The following TPR variants were observed in gnomAD, a reference collection of about 807,000 sequenced individuals.
The protein encoded by TPR is nucleoprotein TPR.
A neutral mutation model predicts 316.1 loss-of-function variants in TPR; 51 were observed. The ratio of observed to expected loss-of-function variants is 0.16; its 90% CI spans 0.13 to 0.20. The LOEUF (loss-of-function observed/expected upper bound fraction) is 0.20. Ranked by LOEUF, TPR falls within the 10% of genes least tolerant of loss-of-function variation. The pLI is 1.00. For synonymous variants in TPR, 981 were observed against 914.7 expected (o/e 1.07, Z -1.31); for missense variants, 2,272 against 2,754.8 (o/e 0.82, Z 3.92).
At chr1:186,364,457 C>T (rs1006144751) in intron 4 of TPR, among the ~76,000 whole-genome samples, 1 of 152,034 alleles carries the variant, frequency 6.6e-6, no homozygotes, top group Non-Finnish European at 1.5e-5. Flanking sequence ...TAAAAAAGTG[C>T]ATTTCTGCAA....
intron 17 of TPR, among the ~76,000 whole-genome samples, chr1:186,354,332 C>T (rs1241692984): frequency 6.6e-6 from 1 of 152,082 alleles, no homozygotes; most frequent in African/African-American, 2.4e-5. Context: ...AATGACAATG[C>T]AATATTGATA....
chr1:186,322,655 A>C (rs566848825), intron 43 of TPR, 69 bp from the exon 44 acceptor site: 34 of 1,471,950 alleles, frequency 2.3e-5, no homozygotes, highest in Non-Finnish European at 2.9e-5. Context: ...ACCAAATATC[A>C]ACAGATACAG....
chr1:186,346,209 A>T lies in TPR; in HGVS notation c.3022T>A (p.Leu1008Met). The T allele has an allele frequency of 6.2e-7, 1 of 1,613,264 alleles. No homozygotes were observed. Among genetic ancestry groups the T allele is most frequent in the Non-Finnish European group, 8.5e-7 (1 of 1,179,676 alleles). The change falls in exon 23 of 51, where the codon TTG (leucine) becomes ATG (methionine). Residue 1008 changes from leucine to methionine, a missense_variant. By Grantham distance (15) the Leu-to-Met change is conservative (BLOSUM62 2). This residue lies in a region of TPR where 757 missense variants were observed against 859.8 expected (regional missense o/e 0.88). Coordinates refer to ENST00000367478, the MANE Select transcript of TPR (RefSeq NM_003292.3). ...AEFQTQLEKK[L>M]MEVEKEKQEL... ...TGTTTTTCCTTCTCTACTTCCATCA[A>T]CTTCTTTTCCAACTGTGTCTGAAAT... is the stretch of plus-strand genomic sequence containing the variant.
At position 186,339,742 on chromosome 1, in the gene TPR, T is replaced by C. The variant is rs1383393049; in HGVS notation, c.4051A>G (p.Thr1351Ala). 1.2e-6 allele frequency: 2 copies of C among 1,604,202 alleles called. No individual in the cohort carries two copies. The highest frequency in any genetic ancestry group is 1.7e-6 in the Non-Finnish European group (2 of 1,175,766). The change falls in exon 30 of 51, where the codon ACA (threonine) becomes GCA (alanine). Residue 1351 changes from threonine to alanine, a missense_variant. Around this residue, in one of 10 missense-constraint regions of TPR, gnomAD observed 96 missense variants for 134.6 expected, o/e 0.71. Coordinates refer to ENST00000367478, the MANE Select transcript of TPR (RefSeq NM_003292.3). ...GAAAGGAGCTTCCGATATTCTTCTG[T>C]ATCTGGATCTTTCTGTTGACTTACT... is the stretch of plus-strand genomic sequence containing the variant. ...HLVSQQKDPD[T>A]EEYRKLLSEK...
Position 186,313,469 on chromosome 1 carries a change from A to T in TPR, c.*502T>A. 1 of 512,056 alleles carries T rather than the reference A, an allele frequency of 2.0e-6. No homozygotes were observed. Among genetic ancestry groups the T allele is most frequent in the Non-Finnish European group, 3.5e-6 (1 of 288,784 alleles). The allele number at this position is 512,056 out of a possible 1,614,324, so 31.7% of individuals were successfully genotyped here. ...GAGAGCTGAACCTGATTTTACAAAA[A>T]GATGGTGAAATGTCAATCTTTTGAA... On this transcript the variant is annotated 3_prime_UTR_variant, in exon 51 of 51. Transcript: ENST00000367478.
At position 186,341,056 on chromosome 1, in the gene TPR, T is replaced by A. The variant is rs1467447955; in HGVS notation, c.3992A>T (p.Asp1331Val). 2 of 1,613,904 alleles carry A rather than the reference T, an allele frequency of 1.2e-6. No individual in the cohort carries two copies. The highest frequency in any genetic ancestry group is 2.2e-5 in the East Asian group (1 of 44,878). The change falls in exon 29 of 51, where the codon GAT (aspartate) becomes GTT (valine). Residue 1331 changes from aspartate (D) to valine (V), a missense_variant. Physicochemically the swap from Asp to Val is radical, Grantham distance 152. Transcript: ENST00000367478. ...GTTACGTGCTTTCCAACGTTTGACA[T>A]CCTCTTCTAAGAGCTTCTTCTCTGC... ...LQAEKKLLEEDVKRWKARNQH... is the reference protein window; with the variant it reads ...LQAEKKLLEEVVKRWKARNQH...
At chr1:186,359,770 C>T in intron 12 of TPR, 29 bp downstream of exon 12, 7 of 1,560,250 alleles carry the variant, frequency 4.5e-6, no homozygotes, top group African/African-American at 1.4e-5. Flanking sequence ...GTATTGTTAC[C>T]ACGGCTAAAT....
intron 38 of TPR, 106 bp from the exon 39 acceptor site, chr1:186,331,687 T>G: frequency 1.6e-6 from 1 of 606,190 alleles, no homozygotes; most frequent in Non-Finnish European, 2.6e-6. Flanking sequence ...ATCTATATTT[T>G]ATGAAACTAT....
chr1:186,369,665 T>G (rs1383908131), intron 3 of TPR, among the ~76,000 whole-genome samples: 1 of 152,178 alleles, frequency 6.6e-6, no homozygotes, highest in South Asian at 2.1e-4. Context: ...TTTCTACATA[T>G]AGGATCATAT....
At chr1:186,347,059 T>C (rs1313776047) in intron 22 of TPR, among the ~76,000 whole-genome samples, 1 of 152,138 alleles carries the variant, frequency 6.6e-6, no homozygotes, top group Non-Finnish European at 1.5e-5. Flanking sequence ...TACCTCTCAG[T>C]CTCCTCAACA....
intron 18 of TPR, among the ~76,000 whole-genome samples, chr1:186,353,399 G>A (rs1195701443): frequency 6.6e-6 from 1 of 150,562 alleles, no homozygotes; most frequent in East Asian, 2.0e-4. Flanking sequence ...AAAAAAAAAC[G>A]TCTTTGTTAG....
At chr1:186,315,811 T>C (rs1486766436) in intron 49 of TPR, among the ~76,000 whole-genome samples, 1 of 150,062 alleles carries the variant, frequency 6.7e-6, no homozygotes, top group Non-Finnish European at 1.5e-5. Flanking sequence ...TTGTTGACCC[T>C]GAACACAAGC....
rs994410258 is a variant in TPR, at chr1:186,312,999, C to T, written c.*972G>A. ...AATGATGACTGAATGTGAGAAGTTA[C>T]ACTACGGTACTTATTCTAATTGCTG... On this transcript the variant is annotated 3_prime_UTR_variant, in exon 51 of 51. Transcript: ENST00000367478. 27 of 1,202,808 alleles carry T rather than the reference C, an allele frequency of 2.2e-5. No homozygotes were observed. Among genetic ancestry groups the T allele is most frequent in the South Asian group, 6.1e-5 (5 of 81,790 alleles). 74.5% of individuals were successfully genotyped at this position (1,202,808 alleles called of 1,614,324 possible). A position where few individuals can be genotyped will look rare whatever the true frequency, so the allele number is the denominator to read the frequency against.
intron 38 of TPR, 36 bp downstream of exon 38, chr1:186,332,147 TTAACTCTACTGG>T: frequency 6.4e-7 from 1 of 1,571,666 alleles, no homozygotes; most frequent in Non-Finnish European, 8.6e-7. Flanking sequence ...AAAGAGTACC[TTAACTCTACTGG>T]TAAAAGTTAA....
rs1360215758 is a variant in TPR at position 186,334,545 on chromosome 1, G to A, written c.4974-12C>T. ...CTGATGTGCTGGCACTTATAGAGGA[G>A]AAAATGGAAGAATAATTAATAACAA... On this transcript the variant is annotated splice_polypyrimidine_tract_variant and intron_variant, in intron 35 of 50. Coordinates refer to ENST00000367478, the MANE Select transcript of TPR (RefSeq NM_003292.3). 1.9e-6 allele frequency: 3 copies of A among 1,602,142 alleles called. No individual in the cohort carries two copies. Among genetic ancestry groups the A allele is most frequent in the African/African-American group, 2.7e-5 (2 of 74,490 alleles).
chr1:186,354,969 T>G (rs1342974529), intron 17 of TPR, among the ~76,000 whole-genome samples: 2 of 152,150 alleles, frequency 1.3e-5, no homozygotes, highest in Non-Finnish European at 2.9e-5. Context: ...GTGGCCCCAA[T>G]CTTGGCTCAC....
rs1657328159 is a variant in TPR, at chr1:186,312,363, C to T, written c.*1608G>A. On this transcript the variant is annotated 3_prime_UTR_variant, in exon 51 of 51. Coordinates refer to ENST00000367478, the MANE Select transcript of TPR (RefSeq NM_003292.3). ...ATATTCACCTGCCAGACTGGCTTAT[C>T]AAGACAAAGGTAACATTTTTATTGT... The T allele has an allele frequency of 2.5e-6, 4 of 1,607,440 alleles. No homozygotes were observed. Among genetic ancestry groups the T allele is most frequent in the Non-Finnish European group, 3.4e-6 (4 of 1,177,726 alleles).
chr1:186,329,667 T>C (rs1658101731), intron 39 of TPR, among the ~76,000 whole-genome samples: 1 of 152,180 alleles, frequency 6.6e-6, no homozygotes. Context: ...ATTTTCAAAT[T>C]AGGGATGTTC....
intron 11 of TPR, 47 bp from the exon 12 acceptor site, chr1:186,360,043 A>T: frequency 6.4e-7 from 1 of 1,558,018 alleles, no homozygotes. Flanking sequence ...TAACAACGCA[A>T]ATATTTAGTT....
Sources: gnomAD v4.1 joint callset for allele counts (sites outside exome capture counted in the v4.1 genomes callset) on GRCh38, gnomAD v4.1.1 for gene constraint, gnomAD v4.1.1 regional missense constraint, MANE v1.5 for transcripts, NCBI Gene and HGNC (gene_info 2026-07-23, HGNC 2026-07-21) for gene names.